CCHCR1: variants seen among roughly 807,000 people sequenced by gnomAD.
CCHCR1 encodes HCR (a-helix coiled-coil rod homologue).
Under a neutral mutation model 114.6 loss-of-function variants are expected in CCHCR1, and 91 were observed. The ratio of observed to expected loss-of-function variants is 0.79; its 90% CI spans 0.67 to 0.94. The LOEUF (loss-of-function observed/expected upper bound fraction) is 0.94, where lower values mean the gene tolerates loss of function less well. CCHCR1 is among the 40% of genes least tolerant of loss of function. The pLI is 0.00. For synonymous variants in CCHCR1, 379 were observed against 428.5 expected (o/e 0.88, Z 1.43); for missense variants, 899 against 1,079.9 (o/e 0.83, Z 2.35).
chr6:31,154,785 T>G lies in CCHCR1; in HGVS notation c.512A>C (p.Glu171Ala). Reference sequence around the variant, plus strand: ...CTGCTGGCTCAGGGCCTGTGACCCCTCCAGCCCCCAGGACCTTCAAAGACA... The same window carrying G: ...CTGCTGGCTCAGGGCCTGTGACCCCGCCAGCCCCCAGGACCTTCAAAGACA... ...PGRRGRSWGL[E>A]GSQALSQQAE... The change falls in exon 4 of 18, where the codon GAG (glutamate) becomes GCG (alanine). Residue 171 changes from glutamate (E) to alanine (A), a missense_variant. Coordinates refer to ENST00000396268, the MANE Select transcript of CCHCR1 (RefSeq NM_001105564.2). The surrounding 1 kb of genome is among the most constrained non-coding windows in gnomAD (Gnocchi z 4.1). 6.2e-7 allele frequency: 1 copy of G among 1,603,586 alleles called. No individual in the cohort carries two copies. Among genetic ancestry groups the G allele is most frequent in the Non-Finnish European group, 8.5e-7 (1 of 1,179,372 alleles).
At chr6:31,155,268 G>T (rs1444414226) in intron 3 of CCHCR1, among the ~76,000 whole-genome samples, 1 of 152,080 alleles carries the variant, frequency 6.6e-6, no homozygotes, top group African/African-American at 2.4e-5. Flanking sequence ...TAGAGAGGTC[G>T]TAAGCTTCCA....
Position 31,145,715 on chromosome 6 carries a change from G to A in CCHCR1, c.1674C>T (p.Arg558=). 1 of 1,613,264 alleles carries A rather than the reference G, an allele frequency of 6.2e-7. No individual in the cohort carries two copies. Among genetic ancestry groups the A allele is most frequent in the Non-Finnish European group, 8.5e-7 (1 of 1,179,358 alleles). Residue 558 remains arginine (R), a synonymous_variant, in exon 11 of 18, where the codon CGC becomes CGT. Coordinates refer to ENST00000396268, the MANE Select transcript of CCHCR1 (RefSeq NM_001105564.2). ...SLNNRLSYAV[R]KVHTIRGLIA... is the part of the protein sequence containing the mutation. ...ACGCACCCCGAATGGTGTGGACCTT[G>A]CGGACAGCATAGCTGAGTCGGTTGT...
Position 31,143,798 on chromosome 6 carries a change from C to T in CCHCR1, c.2168-385G>A, listed in dbSNP as rs191988279. The stretch of plus-strand genomic sequence containing the variant: ...CAACTTACTTAGGCGTGGTGGCTCA[C>T]GCCTATAATCCCAGCACTTTGGGAT... On this transcript the variant is annotated intron_variant, in intron 15 of 17. Coordinates refer to ENST00000396268, the MANE Select transcript of CCHCR1 (RefSeq NM_001105564.2). The surrounding 1 kb of genome is among the most constrained non-coding windows in gnomAD (Gnocchi z 5.3). Among the ~76,000 whole-genome samples the T allele has an allele frequency of 1.3e-5, 2 of 152,336 alleles. No individual in the cohort carries two copies. Among genetic ancestry groups the T allele is most frequent in the East Asian group, 3.9e-4 (2 of 5,188 alleles).
chr6:31,150,664 C>A lies in CCHCR1; in HGVS notation c.1101+61G>T. On this transcript the variant is annotated intron_variant, in intron 6 of 17. Coordinates refer to ENST00000396268, the MANE Select transcript of CCHCR1 (RefSeq NM_001105564.2). The surrounding 1 kb of genome is among the most constrained non-coding windows in gnomAD (Gnocchi z 5.3). ...TGTGCTCTACACGCTCCTCCAAGGG[C>A]CACGCTTGCCTCCCAACCTGATCCC... 1 of 1,597,938 alleles carries A rather than the reference C, an allele frequency of 6.3e-7. No individual in the cohort carries two copies. Among genetic ancestry groups the A allele is most frequent in the South Asian group, 1.1e-5 (1 of 88,866 alleles).
At position 31,148,665 on chromosome 6, in the gene CCHCR1, G is replaced by T; in HGVS notation, c.1426C>A (p.Leu476Met). The part of the protein sequence containing the change: ...SQEQAILQRS[L>M]QDKAAEVEVE... ...TCCACCTCTGCGGCTTTGTCCTGCAGGGATCGCTGCAGGATGGCCTGCTCC... is the reference window on the plus strand; with the variant it reads ...TCCACCTCTGCGGCTTTGTCCTGCATGGATCGCTGCAGGATGGCCTGCTCC... The change falls in exon 9 of 18, where the codon CTG becomes ATG. Residue 476 changes from leucine (L) to methionine (M), a missense_variant. Transcript: ENST00000396268. 1 of 1,613,046 alleles carries T rather than the reference G, an allele frequency of 6.2e-7. No individual in the cohort carries two copies. The highest frequency in any genetic ancestry group is 8.5e-7 in the Non-Finnish European group (1 of 1,180,008).
In CCHCR1 at chr6:31,157,022, C is replaced by T. The variant is rs1023824985; in HGVS notation, c.283+1G>A. On this transcript the variant is annotated splice_donor_variant, in intron 2 of 17. Coordinates refer to ENST00000396268, the MANE Select transcript of CCHCR1 (RefSeq NM_001105564.2). LOFTEE classifies it high-confidence loss of function. ...CACTCCCCTTGTCTGGTCCCACTGA[C>T]CTGAAGGTGGAAACATCTCCACATT... 1.1e-5 allele frequency: 18 copies of T among 1,612,234 alleles called. No individual in the cohort carries two copies. Among genetic ancestry groups the T allele is most frequent in the African/African-American group, 2.7e-5 (2 of 74,894 alleles).
chr6:31,146,557 C>A (rs1774365142), intron 10 of CCHCR1, among the ~76,000 whole-genome samples: 1 of 152,152 alleles, frequency 6.6e-6, no homozygotes, highest in Non-Finnish European at 1.5e-5. Flanking sequence ...TCCAGGTCTG[C>A]ACCCACAGAA....
rs369770588 is a variant in CCHCR1, at chr6:31,150,161, G to A, written c.1267C>T (p.Leu423=). The change falls in exon 8 of 18, where the codon CTG becomes TTG. Residue 423 remains leucine (L), a synonymous_variant. Coordinates refer to ENST00000396268, the MANE Select transcript of CCHCR1 (RefSeq NM_001105564.2). The surrounding 1 kb of genome is among the most constrained non-coding windows in gnomAD (Gnocchi z 5.3). The part of the protein sequence containing the change: ...PEFTRKCQSL[L]NRWREKVFAL... ...AACACCTTCTCCCGCCAGCGGTTCAGCAGGGACTGGCACTTCCTGGTAAAC... is the reference window on the plus strand; with the variant it reads ...AACACCTTCTCCCGCCAGCGGTTCAACAGGGACTGGCACTTCCTGGTAAAC... The A allele has an allele frequency of 5.4e-5, 87 of 1,614,080 alleles. No homozygotes were observed. Among genetic ancestry groups the A allele is most frequent in the Non-Finnish European group, 6.9e-5 (81 of 1,180,022 alleles).
At chr6:31,142,892 G>T in intron 17 of CCHCR1, 71 bp downstream of exon 17, 1 of 1,535,072 alleles carries the variant, frequency 6.5e-7, no homozygotes, top group Non-Finnish European at 8.9e-7. Flanking sequence ...CACTCATCAT[G>T]CGAGAGTCTG....
At position 31,150,535 on chromosome 6, in the gene CCHCR1, C is replaced by T; in HGVS notation, c.1132G>A (p.Ala378Thr). 6.2e-7 allele frequency: 1 copy of T among 1,612,400 alleles called. No individual in the cohort carries two copies. The change falls in exon 7 of 18, where the codon GCC becomes ACC. Residue 378 changes from alanine (A) to threonine (T), a missense_variant. Transcript: ENST00000396268. This position sits in a 1 kb window ranked among gnomAD's most constrained non-coding sequence, Gnocchi z 5.3. ...CGCACCTGCAGCAGCTCCGCGGTGG[C>T]ATGCAGGCTGTCCCGGTCCTCCTGC... ...HLQEDRDSLH[A>T]TAELLQVRVQ...
Position 31,154,517 on chromosome 6 carries a change from A to C in CCHCR1, c.780T>G (p.Val260=). ...TCACCTGCTCTTGGTGCAGCCTCTG[A>C]ACCTCTTCCAGCTCCCGCTGGCTCC... The part of the protein sequence containing the change: ...EEGSQRELEE[V]QRLHQEQLSS... Residue 260 remains valine, a synonymous_variant, in exon 4 of 18, where the codon GTT becomes GTG. Transcript: ENST00000396268. The surrounding 1 kb of genome is among the most constrained non-coding windows in gnomAD (Gnocchi z 4.1). 1 of 1,612,204 alleles carries C rather than the reference A, an allele frequency of 6.2e-7. No individual in the cohort carries two copies.
chr6:31,156,772 C>T lies in CCHCR1; in HGVS notation c.456G>A (p.Arg152=). ...GCTCCTGCCTGTCACTGGAAACATC[C>T]CGTTCCCACATGGTCACTTGAGGTC... ...TQRPQVTMWE[R]DVSSDRQEPG... Residue 152 remains arginine (R), a synonymous_variant, in exon 3 of 18, where the codon CGG becomes CGA. Coordinates refer to ENST00000396268, the MANE Select transcript of CCHCR1 (RefSeq NM_001105564.2). 1 of 1,612,898 alleles carries T rather than the reference C, an allele frequency of 6.2e-7. No individual in the cohort carries two copies. The highest frequency in any genetic ancestry group is 1.7e-5 in the Admixed American group (1 of 59,958).
Position 31,151,591 on chromosome 6 carries a change from C to A in CCHCR1, c.802-469G>T, listed in dbSNP as rs1398454978. 6.6e-6 allele frequency among the ~76,000 whole-genome samples: 1 copy of A among 152,216 alleles called. No homozygotes were observed. Among genetic ancestry groups the A allele is most frequent in the Non-Finnish European group, 1.5e-5 (1 of 68,034 alleles). On this transcript the variant is annotated intron_variant, in intron 4 of 17. Coordinates refer to ENST00000396268, the MANE Select transcript of CCHCR1 (RefSeq NM_001105564.2). The surrounding 1 kb of genome is among the most constrained non-coding windows in gnomAD (Gnocchi z 4.1). ...CAGACAGCGGCCCCTCCTTGCTCCACAGACCCCAGGCGATAGCCCCTCCTC... is the reference window on the plus strand; with the variant it reads ...CAGACAGCGGCCCCTCCTTGCTCCAAAGACCCCAGGCGATAGCCCCTCCTC...
At chr6:31,147,750 T>G (rs1774561251) in intron 10 of CCHCR1, among the ~76,000 whole-genome samples, 2 of 152,060 alleles carry the variant, frequency 1.3e-5, no homozygotes, top group South Asian at 4.1e-4. Flanking sequence ...GTGGATCACC[T>G]GAGGTCAGGA....
rs1429221468 is a variant in CCHCR1, at chr6:31,143,843, G to A, written c.2168-430C>T. On this transcript the variant is annotated intron_variant, in intron 15 of 17. Transcript: ENST00000396268. The surrounding 1 kb of genome is among the most constrained non-coding windows in gnomAD (Gnocchi z 5.3). Reference sequence around the variant, plus strand: ...TGGGATGCCAAGGCGGGCGGATCACGAGGTTAGGAGCTCGAGACCATCCTG... The same window carrying A: ...TGGGATGCCAAGGCGGGCGGATCACAAGGTTAGGAGCTCGAGACCATCCTG... 3.9e-5 allele frequency among the ~76,000 whole-genome samples: 6 copies of A among 152,178 alleles called. No individual in the cohort carries two copies. The highest frequency in any genetic ancestry group is 7.2e-5 in the African/African-American group (3 of 41,446).
rs1183813903 is a variant in CCHCR1 at position 31,150,359 on chromosome 6, G to A, written c.1212+96C>T. The stretch of plus-strand genomic sequence containing the variant: ...CAGGAAGGAGATCTAAGCAGGTTCT[G>A]GGGCACATTGACCCCTCCTGCCCAC... On this transcript the variant is annotated intron_variant, in intron 7 of 17. Coordinates refer to ENST00000396268, the MANE Select transcript of CCHCR1 (RefSeq NM_001105564.2). This position sits in a 1 kb window ranked among gnomAD's most constrained non-coding sequence, Gnocchi z 5.3. 1 of 1,336,444 alleles carries A rather than the reference G, an allele frequency of 7.5e-7. No homozygotes were observed. Among genetic ancestry groups the A allele is most frequent in the African/African-American group, 1.4e-5 (1 of 69,626 alleles). The allele number at this position is 1,336,444 out of a possible 1,614,324, so 82.8% of individuals were successfully genotyped here.
chr6:31,145,996 GTTAAGC>G (rs754521069), intron 10 of CCHCR1, among the ~76,000 whole-genome samples, 188 bp from the exon 11 acceptor site: 22 of 152,200 alleles, frequency 1.4e-4, no homozygotes, highest in Non-Finnish European at 1.3e-4. Context: ...TAAGCAACCT[GTTAAGC>G]TTATTTCTCA....
rs924048116 is a variant in CCHCR1 at position 31,143,485 on chromosome 6, G to A, written c.2168-72C>T. On this transcript the variant is annotated intron_variant, in intron 15 of 17. Transcript: ENST00000396268. The surrounding 1 kb of genome is among the most constrained non-coding windows in gnomAD (Gnocchi z 5.3). ...GAGGCAGCCAGGCACCATGAAGACA[G>A]GAACAAACGCTGGGTCACCAACTCT... 82 of 1,541,040 alleles carry A rather than the reference G, an allele frequency of 5.3e-5. No homozygotes were observed. In the African/African-American group the frequency reaches 1.0e-3, roughly 19 times the overall value.
In CCHCR1 at chr6:31,145,481, C is replaced by T. The variant is rs776296708; in HGVS notation, c.1706G>A (p.Arg569Gln). 2 of 1,614,084 alleles carry T rather than the reference C, an allele frequency of 1.2e-6. No homozygotes were observed. Among genetic ancestry groups the T allele is most frequent in the Admixed American group, 1.7e-5 (1 of 60,020 alleles). Residue 569 changes from arginine (R) to glutamine (Q), a missense_variant, in exon 12 of 18, where the codon CGA (arginine) becomes CAA (glutamine). By Grantham distance (43) the Arg-to-Gln change is conservative (BLOSUM62 1). Transcript: ENST00000396268. ...GCGCAGCTGAGCAAGGGCAAGCTTT[C>T]GAGCAATCAGGCCTGGAGGGGAAAA... ...KVHTIRGLIA[R>Q]KLALAQLRQE... is the part of the protein sequence containing the mutation.
Sources: allele counts gnomAD v4.1 joint callset (sites outside exome capture counted in the v4.1 genomes callset), GRCh38; gene constraint gnomAD v4.1.1; non-coding constraint Gnocchi (gnomAD v3.1); transcripts MANE v1.5; gene names NCBI Gene and HGNC (gene_info 2026-07-23, HGNC 2026-07-21).